CHODL: variants seen among roughly 807,000 people sequenced by gnomAD.
The protein encoded by CHODL is chondrolectin.
In CHODL, 29 loss-of-function variants were observed where a neutral mutation model predicts 34.5. That is an observed-to-expected ratio of 0.84 (90% confidence interval 0.63 to 1.15). The LOEUF is 1.15. Ranked by LOEUF, CHODL falls within the 50% of genes most tolerant of loss-of-function variation. CHODL has a pLI of 0.00. For missense variants in CHODL, 332 were observed against 332.5 expected (o/e 1.00, Z 0.01); for synonymous variants, 125 against 116.1 (o/e 1.08, Z -0.49).
At chr21:18,141,398 C>T (rs951701000) in intron 2 of CHODL, among the ~76,000 whole-genome samples, 2 of 151,956 alleles carry the variant, frequency 1.3e-5, no homozygotes, top group African/African-American at 4.8e-5. Flanking sequence ...ATGTGCCACT[C>T]CACACACTGG....
intron 2 of CHODL, among the ~76,000 whole-genome samples, chr21:18,157,581 C>T (rs1024713992): frequency 1.3e-5 from 2 of 152,178 alleles, no homozygotes; most frequent in Non-Finnish European, 2.9e-5. Flanking sequence ...AACCATAATG[C>T]CTTTAGGCAG....
At chr21:18,065,897 A>G (rs2064726466) in intron 2 of CHODL, among the ~76,000 whole-genome samples, 1 of 152,210 alleles carries the variant, frequency 6.6e-6, no homozygotes, top group Non-Finnish European at 1.5e-5. Context: ...AGAAGGAGGA[A>G]GCCCACAGCT....
chr21:18,048,824 C>A (rs1453254002), intron 2 of CHODL, among the ~76,000 whole-genome samples: 1 of 151,866 alleles, frequency 6.6e-6, no homozygotes, highest in Non-Finnish European at 1.5e-5. Context: ...GTCTGACATC[C>A]ATCCTTCTGG....
At chr21:17,929,826 G>A (rs1465543961) in intron 1 of CHODL, among the ~76,000 whole-genome samples, 4 of 73,440 alleles carry the variant, frequency 5.4e-5, no homozygotes, top group Admixed American at 2.8e-4. Context: ...AGGAGGGAGT[G>A]GGGAGGGAGT....
chr21:18,171,888 A>G (rs2073237336), intron 2 of CHODL, among the ~76,000 whole-genome samples: 1 of 152,166 alleles, frequency 6.6e-6, no homozygotes, highest in Non-Finnish European at 1.5e-5. Context: ...AAGCCTTGAA[A>G]GTATGTCTCC....
intron 1 of CHODL, among the ~76,000 whole-genome samples, chr21:18,255,240 A>G (rs996971802): frequency 1.9e-4 from 29 of 152,094 alleles, no homozygotes; most frequent in Admixed American, 3.9e-4. Context: ...TTCCTGAAGA[A>G]ATATGTAATA....
At chr21:18,195,698 T>C (rs898276837) in intron 2 of CHODL, among the ~76,000 whole-genome samples, 1 of 152,186 alleles carries the variant, frequency 6.6e-6, no homozygotes, top group African/African-American at 2.4e-5. Flanking sequence ...GTTTCTGATT[T>C]ATGTATAATT....
chr21:17,967,093 C>T (rs951487088), intron 1 of CHODL, among the ~76,000 whole-genome samples: 1 of 152,038 alleles, frequency 6.6e-6, no homozygotes, highest in Non-Finnish European at 1.5e-5. Flanking sequence ...CCATGTTGAC[C>T]ATGCTAGTCT....
At chr21:18,226,747 G>A (rs1195408214) in intron 2 of CHODL, among the ~76,000 whole-genome samples, 3 of 151,780 alleles carry the variant, frequency 2.0e-5, no homozygotes, top group Admixed American at 6.6e-5. Flanking sequence ...CTGTCATTTT[G>A]AATAAAGTAA....
intron 1 of CHODL, among the ~76,000 whole-genome samples, chr21:18,024,138 CA>C (rs951066893): frequency 3.3e-5 from 5 of 151,968 alleles, no homozygotes; most frequent in Non-Finnish European, 4.4e-5. Flanking sequence ...GCTGCAAGGA[CA>C]AAAAAATGCT....
At chr21:17,954,960 C>T (rs1170923549) in intron 1 of CHODL, among the ~76,000 whole-genome samples, 3 of 130,940 alleles carry the variant, frequency 2.3e-5, no homozygotes, top group African/African-American at 7.8e-5. Context: ...TAATCTGGGT[C>T]TGTTTAGGCT....
intron 2 of CHODL, among the ~76,000 whole-genome samples, chr21:18,155,622 C>T (rs56310131): frequency 2.0e-5 from 3 of 152,140 alleles, no homozygotes; most frequent in Admixed American, 6.5e-5. Flanking sequence ...GTTAGAGAAA[C>T]CTTGTGGTAG....
intron 2 of CHODL, chr21:18,034,637 GT>G (rs1408101482): frequency 1.3e-5 from 2 of 152,008 alleles, no homozygotes; most frequent in African/African-American, 4.8e-5. Context: ...CTTCTATTGG[GT>G]AAATGTGAGA....
At chr21:18,262,759 T>C (rs1417227380) in intron 4 of CHODL, 32 bp from the exon 5 acceptor site, 1 of 1,228,202 alleles carries the variant, frequency 8.1e-7, no homozygotes, top group Non-Finnish European at 1.2e-6. Context: ...TCCTCAACTA[T>C]CTTTTCACAT....
chr21:18,105,728 A>G (rs1329295938), intron 2 of CHODL, among the ~76,000 whole-genome samples: 1 of 152,214 alleles, frequency 6.6e-6, no homozygotes, highest in Non-Finnish European at 1.5e-5. Flanking sequence ...GAGAATTAAT[A>G]CAGAGAAAGA....
At chr21:18,090,726 GA>G (rs5842674) in intron 2 of CHODL, among the ~76,000 whole-genome samples, 12,830 of 124,616 alleles carry the variant, frequency 0.1, 552 homozygotes, top group East Asian at 0.24. Context: ...ATAATTTCCA[GA>G]AAAAAAAAAA....
rs1051520 is a variant in CHODL at position 18,266,946 on chromosome 21, T to A, written c.*908T>A. 45,639 of 152,156 alleles carry A rather than the reference T, an allele frequency of 0.3. 9,382 individuals carry two copies. The highest frequency in any genetic ancestry group is 0.59 in the African/African-American group (24,428 of 41,480). 9.4% of individuals were successfully genotyped at this position (152,156 alleles called of 1,614,324 possible). ...GGTTCTGAAATCAATGTGGTCCCTC[T>A]CTTGCCCACTAAACAAAGATGGTTG... On this transcript the variant is annotated 3_prime_UTR_variant, in exon 6 of 6. Coordinates refer to ENST00000299295, the MANE Select transcript of CHODL (RefSeq NM_024944.3).
intron 2 of CHODL, among the ~76,000 whole-genome samples, chr21:18,135,625 C>T (rs1419768714): frequency 6.6e-6 from 1 of 152,152 alleles, no homozygotes; most frequent in Non-Finnish European, 1.5e-5. Context: ...GATGTCACAG[C>T]AGTCAAATCT....
At chr21:17,962,133 G>T (rs2063536625) in intron 1 of CHODL, among the ~76,000 whole-genome samples, 1 of 152,148 alleles carries the variant, frequency 6.6e-6, no homozygotes. Context: ...CTATTTTCAG[G>T]GGTGTGGGAA....
Sources: gnomAD v4.1 joint callset for allele counts (sites outside exome capture counted in the v4.1 genomes callset) on GRCh38, gnomAD v4.1.1 for gene constraint, MANE v1.5 for transcripts, NCBI Gene and HGNC (gene_info 2026-07-23, HGNC 2026-07-21) for gene names.